The following PRDM6 variants were observed in gnomAD, a reference collection of about 807,000 sequenced individuals.
PRDM6 encodes the protein putative histone-lysine N-methyltransferase PRDM6.
A neutral mutation model predicts 60.8 loss-of-function variants in PRDM6; 25 were observed. The ratio of observed to expected loss-of-function variants is 0.41; its 90% CI spans 0.30 to 0.57. The LOEUF (loss-of-function observed/expected upper bound fraction) is 0.57. PRDM6 is among the 20% of genes least tolerant of loss of function. The probability of loss-of-function intolerance (pLI) is 0.27; values close to 1 mark genes in which losing one functional copy is unlikely to be tolerated. For missense variants in PRDM6, 839 were observed against 821.3 expected, an observed-to-expected ratio of 1.02 and a Z score of -0.26; for synonymous variants, 407 against 357.4, an observed-to-expected ratio of 1.14 and a Z score of -1.57.
chr5:123,167,178 T>C (rs335209), intron 5 of PRDM6, among the ~76,000 whole-genome samples: 125,564 of 152,030 alleles, frequency 0.83, 52,329 homozygotes, highest in African/African-American at 0.92. Flanking sequence ...GGCTGGAGTG[T>C]AGTGGCATGA....
intron 3 of PRDM6, among the ~76,000 whole-genome samples, chr5:123,105,490 A>C (rs1045650334): frequency 1.3e-5 from 2 of 152,194 alleles, no homozygotes; most frequent in African/African-American, 4.8e-5. Context: ...AATCACTTAC[A>C]GTTGTAGTAT....
At chr5:123,107,331 T>A (rs2150210987) in intron 3 of PRDM6, among the ~76,000 whole-genome samples, 1 of 152,364 alleles carries the variant, frequency 6.6e-6, no homozygotes, top group Non-Finnish European at 1.5e-5. Context: ...GTGGAATCAC[T>A]GGATTTTAGG....
At chr5:123,176,310 G>A (rs191815993) in intron 6 of PRDM6, among the ~76,000 whole-genome samples, 32 of 145,012 alleles carry the variant, frequency 2.2e-4, no homozygotes, top group Non-Finnish European at 3.1e-5. Context: ...AGTTACTTGT[G>A]GTTGTGAGAT....
Position 123,090,581 on chromosome 5 carries a change from C to G in PRDM6, c.567C>G (p.Asn189Lys). The G allele has an allele frequency of 6.6e-7, 1 of 1,525,004 alleles. No homozygotes were observed. 94.5% of individuals were successfully genotyped at this position (1,525,004 alleles called of 1,614,324 possible). A position where few individuals can be genotyped will look rare whatever the true frequency, so the allele number is the denominator to read the frequency against. ...AGCGCATGGAGATCATCCCGCTCAA[C>G]CAGCACACCAGCGACCCCAACAACC... ...GQQRMEIIPL[N>K]QHTSDPNNRC... is the part of the protein sequence containing the mutation. Residue 189 changes from asparagine to lysine, a missense_variant, in exon 2 of 8, where the codon AAC becomes AAG. Coordinates refer to ENST00000407847, the MANE Select transcript of PRDM6 (RefSeq NM_001136239.4).
chr5:123,150,791 G>C (rs1765353652), intron 3 of PRDM6, among the ~76,000 whole-genome samples: 1 of 152,094 alleles, frequency 6.6e-6, no homozygotes, highest in African/African-American at 2.4e-5. Context: ...AACAGCGCTG[G>C]GTTCACAGGT....
At chr5:123,092,410 A>T (rs963952890) in intron 2 of PRDM6, among the ~76,000 whole-genome samples, 5 of 152,172 alleles carry the variant, frequency 3.3e-5, no homozygotes, top group African/African-American at 1.2e-4. Context: ...TACACCCCAA[A>T]TCCCTGGCTG....
intron 3 of PRDM6, among the ~76,000 whole-genome samples, chr5:123,145,032 C>T (rs1765208003): frequency 6.6e-6 from 1 of 152,204 alleles, no homozygotes; most frequent in Admixed American, 6.5e-5. Flanking sequence ...ATGCTAATGC[C>T]TAGGGATACC....
intron 3 of PRDM6, among the ~76,000 whole-genome samples, chr5:123,132,449 G>T (rs577929453): frequency 5.9e-4 from 90 of 152,202 alleles, no homozygotes; most frequent in Middle Eastern, 3.4e-3. Context: ...TCAAAGAGAA[G>T]TTTTGAAATC....
intron 3 of PRDM6, among the ~76,000 whole-genome samples, chr5:123,132,216 T>C (rs1252233508): frequency 1.3e-5 from 2 of 152,180 alleles, no homozygotes; most frequent in East Asian, 3.8e-4. Context: ...GCCAAACTTC[T>C]ATATTGTAGT....
rs766735791 is a variant in PRDM6, at chr5:123,137,839, A to AT, written c.901-18044dup. 2.0e-5 allele frequency among the ~76,000 whole-genome samples: 3 copies of AT among 152,298 alleles called. No individual in the cohort carries two copies. In the East Asian group the frequency reaches 5.8e-4, roughly 29 times the overall value. ...TGATACACAGAAAAGTGTTCTTAATATACCTGGCACATCAAACCCACAGTT... is the reference window on the plus strand; with the variant it reads ...TGATACACAGAAAAGTGTTCTTAATATTACCTGGCACATCAAACCCACAGTT... On this transcript the variant is annotated intron_variant, in intron 3 of 7. Transcript: ENST00000407847.
intron 3 of PRDM6, among the ~76,000 whole-genome samples, chr5:123,108,877 A>G (rs1764250176): frequency 6.6e-6 from 1 of 152,122 alleles, no homozygotes; most frequent in South Asian, 2.1e-4. Flanking sequence ...TGATACTGCA[A>G]AACATCTTGG....
intron 3 of PRDM6, among the ~76,000 whole-genome samples, chr5:123,136,437 A>T (rs1412172217): frequency 1.3e-5 from 2 of 152,212 alleles, no homozygotes; most frequent in Admixed American, 6.5e-5. Context: ...CCGAGAGGCT[A>T]AAGTGTTTTT....
chr5:123,120,040 T>C (rs766060267), intron 3 of PRDM6, among the ~76,000 whole-genome samples: 12 of 152,224 alleles, frequency 7.9e-5, no homozygotes, highest in Admixed American at 2.0e-4. Context: ...ATGCTTAATA[T>C]ACATTAGGTA....
At chr5:123,127,733 C>CTTTCTTTCTTTCTTTCT (rs1561833658) in intron 3 of PRDM6, among the ~76,000 whole-genome samples, 13 of 140,716 alleles carry the variant, frequency 9.2e-5, no homozygotes, top group South Asian at 2.3e-4. Flanking sequence ...TCTTTCTTTC[C>CTTTCTTTCTTTCTTTCT]TTCTTTCCTT....
chr5:123,181,779 T>C (rs1454522609), intron 7 of PRDM6, among the ~76,000 whole-genome samples: 1 of 152,172 alleles, frequency 6.6e-6, no homozygotes, highest in Non-Finnish European at 1.5e-5. Flanking sequence ...CCTGCTGTCG[T>C]GGCGCACTTT....
At chr5:123,114,234 C>G (rs1314674958) in intron 3 of PRDM6, among the ~76,000 whole-genome samples, 1 of 152,162 alleles carries the variant, frequency 6.6e-6, no homozygotes, top group Non-Finnish European at 1.5e-5. Context: ...CTTTCCAAGC[C>G]CAGGTCTGCT....
chr5:123,127,442 A>G (rs1764718327), intron 3 of PRDM6, among the ~76,000 whole-genome samples: 1 of 152,192 alleles, frequency 6.6e-6, no homozygotes, highest in Non-Finnish European at 1.5e-5. Context: ...TCTCATTTCT[A>G]ATCTCTGGAA....
rs1264272283 is a variant in PRDM6 at position 123,090,248 on chromosome 5, C to T, written c.234C>T (p.Ser78=). 1.4e-5 allele frequency: 21 copies of T among 1,484,966 alleles called. No individual in the cohort carries two copies. The highest frequency in any genetic ancestry group is 1.4e-4 in the Admixed American group (6 of 44,198). The allele number at this position is 1,484,966 out of a possible 1,614,324, so 92.0% of individuals were successfully genotyped here. ...SLRPRPASLS[S]ASSTPASSST... ...GCCCGCGGCCCGCCTCTCTCTCCTC[C>T]GCCTCGTCCACGCCGGCTTCCTCTT... is the stretch of plus-strand genomic sequence containing the variant. Residue 78 remains serine, a synonymous_variant, in exon 2 of 8, where the codon TCC becomes TCT. Coordinates refer to ENST00000407847, the MANE Select transcript of PRDM6 (RefSeq NM_001136239.4).
chr5:123,174,751 C>T (rs924303681), intron 6 of PRDM6, among the ~76,000 whole-genome samples: 3 of 151,884 alleles, frequency 2.0e-5, no homozygotes, highest in Admixed American at 1.3e-4. Context: ...TTTTTTTAAC[C>T]ACTGTGTTAT....
Sources: gnomAD v4.1 joint callset for allele counts (sites outside exome capture counted in the v4.1 genomes callset) on GRCh38, gnomAD v4.1.1 for gene constraint, MANE v1.5 for transcripts, NCBI Gene and HGNC (gene_info 2026-07-23, HGNC 2026-07-21) for gene names.